MAML2: variants seen among roughly 807,000 people sequenced by gnomAD.
MAML2 encodes mastermind-like protein 2.
In MAML2, 22 loss-of-function variants were observed where a neutral mutation model predicts 96.1. The ratio of observed to expected loss-of-function variants is 0.23; its 90% confidence interval spans 0.16 to 0.33. The LOEUF is 0.33. Among genes scored for constraint, MAML2 ranks in the 10% least tolerant of loss-of-function variants. The pLI, the probability that MAML2 is intolerant of heterozygous loss-of-function variation, is 1.00. For missense variants in MAML2, 1,367 were observed against 1,392.4 expected (o/e 0.98, Z 0.29); for synonymous variants, 561 against 521.3 (o/e 1.08, Z -1.04).
chr11:96,286,612 TATC>T (rs1386257943), intron 1 of MAML2, among the ~76,000 whole-genome samples: 1 of 146,812 alleles, frequency 6.8e-6, no homozygotes, highest in East Asian at 2.0e-4. Context: ...TTCTAGCTAT[TATC>T]ATTCTTTTTA....
At chr11:96,222,126 A>T (rs892271653) in intron 1 of MAML2, among the ~76,000 whole-genome samples, 2 of 152,066 alleles carry the variant, frequency 1.3e-5, no homozygotes, top group African/African-American at 4.8e-5. Flanking sequence ...TTCCAATATC[A>T]TCCCGGTCCA....
At chr11:96,265,039 A>G (rs1862807467) in intron 1 of MAML2, among the ~76,000 whole-genome samples, 1 of 152,230 alleles carries the variant, frequency 6.6e-6, no homozygotes, top group South Asian at 2.1e-4. Flanking sequence ...AAATCAAGGC[A>G]TTTCAAATTG....
intron 1 of MAML2, among the ~76,000 whole-genome samples, chr11:96,215,175 A>C (rs1862030160): frequency 6.6e-6 from 1 of 152,252 alleles, no homozygotes; most frequent in African/African-American, 2.4e-5. Flanking sequence ...ACATTTGTAC[A>C]AAGTTGAAAA....
intron 1 of MAML2, among the ~76,000 whole-genome samples, chr11:96,111,652 G>A (rs934529916): frequency 6.6e-6 from 1 of 152,202 alleles, no homozygotes; most frequent in Non-Finnish European, 1.5e-5. Context: ...TGCTGCATAC[G>A]CATAACCTCT....
rs899928732 is a variant in MAML2, at chr11:96,050,857, T to C, written c.2139+41035A>G. 5.3e-5 allele frequency among the ~76,000 whole-genome samples: 8 copies of C among 152,252 alleles called. No homozygotes were observed. The South Asian group carries it at 1.7e-3, about 32-fold the overall frequency. ...TTCCTTCACCTGCCCAGTGTGGATC[T>C]CATCATTTGGCACCCGAGCTTCCAT... On this transcript the variant is annotated intron_variant, in intron 2 of 4. Coordinates refer to ENST00000524717, the MANE Select transcript of MAML2 (RefSeq NM_032427.4).
chr11:96,019,685 TATAATAATA>T (rs966236547), intron 2 of MAML2, among the ~76,000 whole-genome samples: 9 of 2,696 alleles, frequency 3.3e-3, no homozygotes, highest in Admixed American at 0.014. Context: ...TAATAATAAT[TATAATAATA>T]ATAATAATAA....
intron 1 of MAML2, among the ~76,000 whole-genome samples, chr11:96,327,668 T>C (rs56178002): frequency 0.5 from 76,026 of 151,270 alleles, 19,363 homozygotes; most frequent in African/African-American, 0.59. Context: ...ATCTGCCTGC[T>C]TCAGCCTCCC....
At chr11:96,086,431 T>TA (rs1859614778) in intron 2 of MAML2, among the ~76,000 whole-genome samples, 1 of 150,786 alleles carries the variant, frequency 6.6e-6, no homozygotes, top group Non-Finnish European at 1.5e-5. Flanking sequence ...ATGTTTGCTT[T>TA]AAAAATTAAA....
intron 1 of MAML2, among the ~76,000 whole-genome samples, chr11:96,316,566 T>G (rs892341528): frequency 2.2e-4 from 34 of 151,980 alleles, no homozygotes; most frequent in African/African-American, 8.2e-4. Flanking sequence ...CTGGGCTCAT[T>G]TGGAGAATTA....
At chr11:96,193,463 A>G (rs1565244067) in intron 1 of MAML2, among the ~76,000 whole-genome samples, 1 of 152,082 alleles carries the variant, frequency 6.6e-6, no homozygotes, top group African/African-American at 2.4e-5. Flanking sequence ...TCAGTTTGCA[A>G]TCTCTACTTG....
intron 2 of MAML2, among the ~76,000 whole-genome samples, chr11:96,024,046 A>T (rs1172481686): frequency 6.6e-6 from 1 of 152,254 alleles, no homozygotes; most frequent in Non-Finnish European, 1.5e-5. Flanking sequence ...AAGTCCAGAT[A>T]TCAAAGACAC....
chr11:96,336,825 T>C (rs540953412), intron 1 of MAML2, among the ~76,000 whole-genome samples: 13 of 152,354 alleles, frequency 8.5e-5, no homozygotes, highest in Non-Finnish European at 1.6e-4. Context: ...TTTAAACATA[T>C]TGGTATTTAA....
intron 2 of MAML2, among the ~76,000 whole-genome samples, chr11:96,082,868 A>G (rs1253619568): frequency 6.6e-6 from 1 of 152,156 alleles, no homozygotes; most frequent in Non-Finnish European, 1.5e-5. Flanking sequence ...CTGGGAAGGG[A>G]GAGAGGAAGT....
At chr11:96,060,224 A>G (rs1208182122) in intron 2 of MAML2, among the ~76,000 whole-genome samples, 1 of 152,234 alleles carries the variant, frequency 6.6e-6, no homozygotes, top group East Asian at 1.9e-4. Context: ...ATGTATGATT[A>G]AATTTTCTGG....
intron 1 of MAML2, among the ~76,000 whole-genome samples, chr11:96,179,669 C>T (rs920139521): frequency 3.3e-5 from 5 of 152,226 alleles, no homozygotes; most frequent in Admixed American, 2.6e-4. Context: ...GCAACCATCA[C>T]TCCTACTTCA....
intron 2 of MAML2, among the ~76,000 whole-genome samples, chr11:95,996,087 T>C (rs75971881): frequency 0.059 from 8,972 of 151,966 alleles, 683 homozygotes; most frequent in African/African-American, 0.18. Flanking sequence ...AATCAATCAA[T>C]CAATCAATCT....
chr11:96,186,007 A>G (rs769716359), intron 1 of MAML2, among the ~76,000 whole-genome samples: 4 of 152,206 alleles, frequency 2.6e-5, no homozygotes, highest in Non-Finnish European at 4.4e-5. Context: ...CAGAATCTGC[A>G]TTTTAACGAG....
rs369785942 is a variant in MAML2 at position 96,072,411 on chromosome 11, A to T, written c.2139+19481T>A. ...TTGAAATCAGAAGTTCACAGTTCTA[A>T]TCAGGTTTCTGAGTAGTGAATGAAC... On this transcript the variant is annotated intron_variant, in intron 2 of 4. Transcript: ENST00000524717. 1.2e-4 allele frequency among the ~76,000 whole-genome samples: 18 copies of T among 152,330 alleles called. No individual in the cohort carries two copies. In the East Asian group the frequency reaches 2.9e-3, roughly 24 times the overall value.
At chr11:96,014,495 GT>G (rs1393106570) in intron 2 of MAML2, among the ~76,000 whole-genome samples, 1 of 152,182 alleles carries the variant, frequency 6.6e-6, no homozygotes, top group Non-Finnish European at 1.5e-5. Context: ...AAGGAAAACA[GT>G]GATGAATTGT....
Sources: gnomAD v4.1 joint callset for allele counts (sites outside exome capture counted in the v4.1 genomes callset) on GRCh38, gnomAD v4.1.1 for gene constraint, MANE v1.5 for transcripts, NCBI Gene and HGNC (gene_info 2026-07-23, HGNC 2026-07-21) for gene names.